SNX2: variants seen among roughly 807,000 people sequenced by gnomAD.
SNX2 encodes sorting nexin-2.
Under a neutral mutation model 69.9 loss-of-function variants are expected in SNX2, and 25 were observed. That is an observed-to-expected ratio of 0.36 (90% CI 0.26 to 0.50). The LOEUF (loss-of-function observed/expected upper bound fraction) is 0.50, where lower values mean the gene tolerates loss of function less well. SNX2 is among the 20% of genes least tolerant of loss of function. SNX2 has a pLI of 0.97. For missense variants in SNX2, 551 were observed against 613.3 expected (o/e 0.90, Z 1.07); for synonymous variants, 229 against 200.4 (o/e 1.14, Z -1.20).
intron 5 of SNX2, among the ~76,000 whole-genome samples, chr5:122,803,166 T>C (rs377342630): frequency 6.6e-6 from 1 of 152,168 alleles, no homozygotes; most frequent in South Asian, 2.1e-4. Flanking sequence ...TTGGATATAT[T>C]GGACTGAAGC....
At chr5:122,787,273 A>G (rs1024530520) in intron 1 of SNX2, among the ~76,000 whole-genome samples, 2 of 152,168 alleles carry the variant, frequency 1.3e-5, no homozygotes, top group African/African-American at 4.8e-5. Context: ...TAATCCTAGC[A>G]CTTTGGGAGG....
intron 11 of SNX2, among the ~76,000 whole-genome samples, chr5:122,819,866 A>G (rs1419510741): frequency 1.3e-5 from 2 of 152,162 alleles, no homozygotes; most frequent in African/African-American, 4.8e-5. Context: ...TACAATGAGC[A>G]TATTTATTGA....
rs1262777028 is a variant in SNX2 at position 122,818,721 on chromosome 5, G to A, written c.1007-97G>A. ...TTAAAATATTATTTGAGCAACTTGT[G>A]CATAAGTAAAATTTAGAGAAAAGTG... On this transcript the variant is annotated intron_variant, in intron 10 of 14. Coordinates refer to ENST00000379516, the MANE Select transcript of SNX2 (RefSeq NM_003100.4). 4.3e-6 allele frequency: 4 copies of A among 925,014 alleles called. No homozygotes were observed. The African/African-American group carries it at 5.0e-5, about 12-fold the overall frequency. The allele number at this position is 925,014 out of a possible 1,614,324, so 57.3% of individuals were successfully genotyped here.
chr5:122,782,554 G>A (rs1581622770), intron 1 of SNX2, among the ~76,000 whole-genome samples: 1 of 151,488 alleles, frequency 6.6e-6, no homozygotes, highest in East Asian at 2.0e-4. Context: ...TATTTTATTT[G>A]AGATGGAGTC....
At chr5:122,794,230 G>A (rs982840424) in intron 1 of SNX2, among the ~76,000 whole-genome samples, 4 of 152,000 alleles carry the variant, frequency 2.6e-5, no homozygotes, top group East Asian at 1.9e-4. Context: ...AGAATCACTT[G>A]AACCCAGGAG....
At position 122,799,782 on chromosome 5, in the gene SNX2, C is replaced by G. The variant is rs752589956; in HGVS notation, c.317C>G (p.Thr106Ser). The G allele has an allele frequency of 1.9e-6, 3 of 1,613,514 alleles. No homozygotes were observed. In the Admixed American group the frequency reaches 5.0e-5, roughly 27 times the overall value. Reference protein sequence around the residue: ...PSPAVTPVTPTTLIAPRIESK... With the variant: ...PSPAVTPVTPSTLIAPRIESK... ...CCTGCAGTCACACCTGTCACTCCTACTACACTCATTGCTCCTAGAATTGAA... is the reference window on the plus strand; with the variant it reads ...CCTGCAGTCACACCTGTCACTCCTAGTACACTCATTGCTCCTAGAATTGAA... Residue 106 changes from threonine (T) to serine (S), a missense_variant, in exon 3 of 15, where the codon ACT becomes AGT. By Grantham distance (58) the Thr-to-Ser change is moderately conservative. Around this residue, in one of 2 missense-constraint regions of SNX2, gnomAD observed 191 missense variants for 162.9 expected, o/e 1.17. Transcript: ENST00000379516.
chr5:122,791,484 A>G (rs1486193634), intron 1 of SNX2, among the ~76,000 whole-genome samples: 3 of 152,156 alleles, frequency 2.0e-5, no homozygotes, highest in Non-Finnish European at 4.4e-5. Context: ...GTTTCACCAC[A>G]TTGGCCAGGC....
rs962487190 is a variant in SNX2, at chr5:122,832,120, T to C, written c.*2472T>C. 6.6e-6 allele frequency among the ~76,000 whole-genome samples: 1 copy of C among 151,552 alleles called. No individual in the cohort carries two copies. Among genetic ancestry groups the C allele is most frequent in the Non-Finnish European group, 1.5e-5 (1 of 67,980 alleles). On this transcript the variant is annotated 3_prime_UTR_variant, in exon 15 of 15. Coordinates refer to ENST00000379516, the MANE Select transcript of SNX2 (RefSeq NM_003100.4). ...ATTGGATAGGTCTGAGTTTAGCGTT[T>C]GTTTGTTTTCTTAATGAGATCAAAA... is the stretch of plus-strand genomic sequence containing the variant.
chr5:122,795,359 G>C lies in SNX2; in HGVS notation c.202G>C (p.Asp68His). 1 of 1,611,794 alleles carries C rather than the reference G, an allele frequency of 6.2e-7. No homozygotes were observed. Among genetic ancestry groups the C allele is most frequent in the Middle Eastern group, 1.7e-4 (1 of 6,052 alleles). Residue 68 changes from aspartate (D) to histidine (H), a missense_variant, in exon 2 of 15, where the codon GAT becomes CAT. Physicochemically the swap from Asp to His is moderately conservative, Grantham distance 81 (BLOSUM62 -1). Transcript: ENST00000379516. ...GPKPTEVVLD[D>H]DREDLFAEAT... is the part of the protein sequence containing the mutation. ...AAAACCCACAGAAGTTGTATTAGATGATGACAGAGAAGATCTTTTTGCAGG... is the reference window on the plus strand; with the variant it reads ...AAAACCCACAGAAGTTGTATTAGATCATGACAGAGAAGATCTTTTTGCAGG...
rs759453315 is a variant in SNX2 at position 122,775,083 on chromosome 5, C to T, written c.-21C>T. ...ACGGGTCCGCGAGGCCCAGCTCGCG[C>T]AGTCGTTCGGGTGAGCGAAGATGGC... On this transcript the variant is annotated 5_prime_UTR_variant, in exon 1 of 15. Coordinates refer to ENST00000379516, the MANE Select transcript of SNX2 (RefSeq NM_003100.4). The T allele has an allele frequency of 7.6e-6, 12 of 1,568,628 alleles. No homozygotes were observed. In the Admixed American group the frequency reaches 1.6e-4, roughly 20 times the overall value.
intron 7 of SNX2, among the ~76,000 whole-genome samples, chr5:122,813,591 A>G (rs1223650650): frequency 6.6e-6 from 1 of 151,992 alleles, no homozygotes; most frequent in Non-Finnish European, 1.5e-5. Flanking sequence ...GCTGTTTGAT[A>G]TGAATTTTAA....
chr5:122,810,126 A>T (rs1448999898), intron 7 of SNX2, among the ~76,000 whole-genome samples: 1 of 150,382 alleles, frequency 6.6e-6, no homozygotes, highest in Non-Finnish European at 1.5e-5. Context: ...TCTCTGAAAC[A>T]TGTGCTGTGT....
At chr5:122,775,238 C>T in intron 1 of SNX2, 27 bp downstream of exon 1, 1 of 1,532,436 alleles carries the variant, frequency 6.5e-7, no homozygotes, top group Non-Finnish European at 8.8e-7. Flanking sequence ...GCGGGTGCTG[C>T]GCTGCGTAGC....
chr5:122,805,309 A>C (rs1753616805), intron 6 of SNX2, among the ~76,000 whole-genome samples: 1 of 150,702 alleles, frequency 6.6e-6, no homozygotes. Context: ...AAAAAAAAAG[A>C]ATTTTGCTGA....
chr5:122,812,194 T>G (rs138835616), intron 7 of SNX2, among the ~76,000 whole-genome samples: 1,768 of 152,118 alleles, frequency 0.012, 29 homozygotes, highest in Middle Eastern at 0.027. Flanking sequence ...TTTTAACCCC[T>G]CCCCACGCTG....
intron 1 of SNX2, among the ~76,000 whole-genome samples, chr5:122,781,784 A>G (rs2150000141): frequency 6.6e-6 from 1 of 152,294 alleles, no homozygotes; most frequent in Middle Eastern, 3.4e-3. Context: ...AGCCATTATT[A>G]AAAATTAAAT....
rs962340880 is a variant in SNX2 at position 122,775,473 on chromosome 5, C to T, written c.108+262C>T. The T allele has an allele frequency of 9.5e-6, 11 of 1,158,318 alleles. No homozygotes were observed. In the African/African-American group the frequency reaches 9.6e-5, roughly 10 times the overall value. 71.8% of individuals were successfully genotyped at this position (1,158,318 alleles called of 1,614,324 possible). Reference sequence around the variant, plus strand: ...AGAACCGAACCGAGCATTGCAGCGGCGCTTTCCCAGCTCAGCTGGCCTTCC... The same window carrying T: ...AGAACCGAACCGAGCATTGCAGCGGTGCTTTCCCAGCTCAGCTGGCCTTCC... On this transcript the variant is annotated intron_variant, in intron 1 of 14. Coordinates refer to ENST00000379516, the MANE Select transcript of SNX2 (RefSeq NM_003100.4).
At chr5:122,822,258 T>G (rs888810814) in intron 11 of SNX2, among the ~76,000 whole-genome samples, 5 of 152,132 alleles carry the variant, frequency 3.3e-5, no homozygotes, top group African/African-American at 1.2e-4. Context: ...AGCCAGCTAA[T>G]TTTTGTATTT....
intron 6 of SNX2, among the ~76,000 whole-genome samples, chr5:122,806,142 G>GCGCGCGCGCGCGCGCACACACACACACA: frequency 1.5e-5 from 2 of 130,584 alleles, no homozygotes; most frequent in African/African-American, 5.8e-5. Flanking sequence ...ACACGCGCGC[G>GCGCGCGCGCGCGCGCACACACACACACA]CACACACACA....
Sources: allele counts gnomAD v4.1 joint callset (sites outside exome capture counted in the v4.1 genomes callset), GRCh38; gene constraint gnomAD v4.1.1; regional missense constraint gnomAD v4.1.1; transcripts MANE v1.5; gene names NCBI Gene and HGNC (gene_info 2026-07-23, HGNC 2026-07-21).